The following PLGRKT variants were observed in gnomAD, a reference collection of about 807,000 sequenced individuals.
The protein encoded by PLGRKT is plasminogen receptor with a C-terminal lysine.
In PLGRKT, 22 loss-of-function variants were observed where a neutral mutation model predicts 18.5. That is an observed-to-expected ratio of 1.19 (90% CI 0.85 to 1.70). PLGRKT has a LOEUF of 1.70. PLGRKT is among the 40% of genes most tolerant of loss of function. The pLI, the probability that PLGRKT is intolerant of heterozygous loss-of-function variation, is 0.00. For missense variants in PLGRKT, 235 were observed against 174.4 expected (o/e 1.35, Z -1.96); for synonymous variants, 72 against 52.8 (o/e 1.36, Z -1.58).
At chr9:5,393,777 T>G (rs1427316139) in intron 3 of PLGRKT, among the ~76,000 whole-genome samples, 1 of 151,900 alleles carries the variant, frequency 6.6e-6, no homozygotes, top group Non-Finnish European at 1.5e-5. Context: ...TAACAATATT[T>G]AACCATTTGC....
At chr9:5,408,223 G>A (rs905656767) in intron 3 of PLGRKT, among the ~76,000 whole-genome samples, 5 of 152,330 alleles carry the variant, frequency 3.3e-5, no homozygotes, top group Non-Finnish European at 5.9e-5. Flanking sequence ...GAAGGATGAC[G>A]GAAAGTTGGA....
At chr9:5,384,183 G>A (rs1817798895) in intron 3 of PLGRKT, among the ~76,000 whole-genome samples, 1 of 152,204 alleles carries the variant, frequency 6.6e-6, no homozygotes, top group African/African-American at 2.4e-5. Context: ...CCATTGTTGG[G>A]GGAGATCCCC....
chr9:5,428,091 C>A (rs1036666660), intron 3 of PLGRKT, among the ~76,000 whole-genome samples: 1 of 152,048 alleles, frequency 6.6e-6, no homozygotes, highest in Non-Finnish European at 1.5e-5. Flanking sequence ...GGCGACGTGG[C>A]GATGGCTGCT....
intron 5 of PLGRKT, among the ~76,000 whole-genome samples, chr9:5,358,849 C>T (rs944262187): frequency 1.3e-5 from 2 of 152,162 alleles, no homozygotes; most frequent in African/African-American, 4.8e-5. Flanking sequence ...TACAAATATA[C>T]ATATATACAC....
intron 3 of PLGRKT, among the ~76,000 whole-genome samples, chr9:5,378,833 T>C (rs1817682344): frequency 1.3e-5 from 2 of 152,094 alleles, no homozygotes; most frequent in Admixed American, 6.5e-5. Context: ...ATTGGAAAAA[T>C]GTAGTGATAT....
At chr9:5,423,047 G>C (rs1296513285) in intron 3 of PLGRKT, among the ~76,000 whole-genome samples, 1 of 151,570 alleles carries the variant, frequency 6.6e-6, no homozygotes, top group Admixed American at 6.6e-5. Flanking sequence ...TAAAGTTTTG[G>C]GGTTTTTCTC....
At chr9:5,381,427 G>T (rs1457732463) in intron 3 of PLGRKT, among the ~76,000 whole-genome samples, 1 of 152,240 alleles carries the variant, frequency 6.6e-6, no homozygotes, top group Non-Finnish European at 1.5e-5. Flanking sequence ...CAGGGTGCAA[G>T]CCCCAAACCT....
rs998327357 is a variant in PLGRKT, at chr9:5,424,695, C to T, written c.81+7202G>A. The stretch of plus-strand genomic sequence containing the variant: ...ATATATATATATATATATATATACA[C>T]ACAGGGGGGGGAGAGAGGGAGAGAC... On this transcript the variant is annotated intron_variant, in intron 3 of 5. Coordinates refer to ENST00000223864, the MANE Select transcript of PLGRKT (RefSeq NM_018465.4). Among the ~76,000 whole-genome samples the T allele has an allele frequency of 3.9e-4, 45 of 116,648 alleles. 1 individual carries two copies. The highest frequency in any genetic ancestry group is 1.5e-3 in the African/African-American group (33 of 22,758). The allele number at this position is 116,648 out of a possible 152,430, so 76.5% of individuals were successfully genotyped here.
At chr9:5,365,051 AT>A (rs1386797682) in intron 3 of PLGRKT, among the ~76,000 whole-genome samples, 9 of 152,310 alleles carry the variant, frequency 5.9e-5, no homozygotes, top group Admixed American at 2.0e-4. Flanking sequence ...CATAGAGGCA[AT>A]AACAACCCCT....
chr9:5,370,279 C>G (rs992914247), intron 3 of PLGRKT, among the ~76,000 whole-genome samples: 1 of 152,078 alleles, frequency 6.6e-6, no homozygotes, highest in Non-Finnish European at 1.5e-5. Context: ...ATTTGTCAAT[C>G]TGTTGAGTTT....
rs78187577 is a variant in PLGRKT, at chr9:5,412,687, A to G, written c.81+19210T>C. ...TGAACGAAGACAAAAGTACCACAGGAAACAAGGATAACTGTGGTATAGGGA... is the reference window on the plus strand; with the variant it reads ...TGAACGAAGACAAAAGTACCACAGGGAACAAGGATAACTGTGGTATAGGGA... On this transcript the variant is annotated intron_variant, in intron 3 of 5. Coordinates refer to ENST00000223864, the MANE Select transcript of PLGRKT (RefSeq NM_018465.4). Among the ~76,000 whole-genome samples, 664 of 152,354 alleles carry G rather than the reference A, an allele frequency of 4.4e-3. 7 individuals are homozygous for G. Among genetic ancestry groups the G allele is most frequent in the African/African-American group, 0.016 (646 of 41,588 alleles).
chr9:5,394,573 C>T (rs754734035), intron 3 of PLGRKT, among the ~76,000 whole-genome samples: 10 of 151,666 alleles, frequency 6.6e-5, no homozygotes, highest in South Asian at 2.1e-4. Flanking sequence ...CCACCATGCC[C>T]GGCTAATTTT....
intron 3 of PLGRKT, among the ~76,000 whole-genome samples, chr9:5,370,279 C>T (rs992914247): frequency 5.3e-5 from 8 of 152,078 alleles, no homozygotes; most frequent in Non-Finnish European, 8.8e-5. Context: ...ATTTGTCAAT[C>T]TGTTGAGTTT....
At chr9:5,421,729 C>G (rs1818579005) in intron 3 of PLGRKT, among the ~76,000 whole-genome samples, 1 of 152,182 alleles carries the variant, frequency 6.6e-6, no homozygotes, top group Non-Finnish European at 1.5e-5. Flanking sequence ...GTATCATACT[C>G]CTTATTATTA....
chr9:5,363,609 T>A (rs1817317028), intron 3 of PLGRKT, among the ~76,000 whole-genome samples: 1 of 152,050 alleles, frequency 6.6e-6, no homozygotes, highest in African/African-American at 2.4e-5. Flanking sequence ...CAGTACCTGC[T>A]CCCTCCCAAC....
At chr9:5,427,612 T>C (rs1586745488) in intron 3 of PLGRKT, among the ~76,000 whole-genome samples, 1 of 152,194 alleles carries the variant, frequency 6.6e-6, no homozygotes, top group African/African-American at 2.4e-5. Context: ...GGGAAAACCA[T>C]AGTATACATA....
chr9:5,435,709 C>T (rs1322250), intron 2 of PLGRKT, among the ~76,000 whole-genome samples: 101,307 of 152,084 alleles, frequency 0.67, 33,906 homozygotes, highest in Non-Finnish European at 0.7. Context: ...TTTCAGAATA[C>T]TGCAAAACTC....
At chr9:5,410,510 A>G (rs1198164898) in intron 3 of PLGRKT, among the ~76,000 whole-genome samples, 1 of 152,026 alleles carries the variant, frequency 6.6e-6, no homozygotes, top group African/African-American at 2.4e-5. Flanking sequence ...AAAAAAAAAA[A>G]AAAGGAAAAA....
At chr9:5,366,291 T>C (rs939954425) in intron 3 of PLGRKT, among the ~76,000 whole-genome samples, 4 of 152,122 alleles carry the variant, frequency 2.6e-5, no homozygotes, top group Admixed American at 6.6e-5. Context: ...AAACAACAAA[T>C]AAAAGCAAAA....
Sources: allele counts gnomAD v4.1 joint callset (sites outside exome capture counted in the v4.1 genomes callset), GRCh38; gene constraint gnomAD v4.1.1; transcripts MANE v1.5; gene names NCBI Gene and HGNC (gene_info 2026-07-23, HGNC 2026-07-21).